The following CIZ1 variants were observed in gnomAD, a reference collection of about 807,000 sequenced individuals.
The protein encoded by CIZ1 is CDKN1A interacting zinc finger protein 1, also known as cip1-interacting zinc finger protein.
CIZ1 carries 58 observed loss-of-function variants against 118.6 expected under a neutral mutation model. The observed-to-expected ratio is 0.49, with a 90% CI of 0.40 to 0.61. CIZ1 has a LOEUF of 0.61. Ranked by LOEUF, CIZ1 falls within the 20% of genes least tolerant of loss-of-function variation. The pLI, the probability that CIZ1 is intolerant of heterozygous loss-of-function variation, is 0.00. For synonymous variants in CIZ1, 448 were observed against 443.4 expected, an observed-to-expected ratio of 1.01 and a Z score of -0.13; for missense variants, 921 against 1,115.9, an observed-to-expected ratio of 0.83 and a Z score of 2.49.
intron 7 of CIZ1, among the ~76,000 whole-genome samples, chr9:128,180,047 C>T (rs1360839209): frequency 1.3e-5 from 2 of 152,166 alleles, no homozygotes; most frequent in African/African-American, 4.8e-5. Context: ...CTGTCTAGGC[C>T]TCAGATTCAC....
intron 5 of CIZ1, among the ~76,000 whole-genome samples, chr9:128,181,415 G>C (rs1006778427): frequency 9.9e-5 from 15 of 152,224 alleles, no homozygotes; most frequent in South Asian, 2.1e-4. Flanking sequence ...TATAAAACAA[G>C]AATTGTTATA....
chr9:128,191,354 C>T lies in CIZ1; in HGVS notation c.-6+78G>A. The T allele has an allele frequency of 1.3e-5, 7 of 539,248 alleles. No individual in the cohort carries two copies. Among genetic ancestry groups the T allele is most frequent in the Non-Finnish European group, 1.7e-5 (7 of 418,620 alleles). The allele number at this position is 539,248 out of a possible 1,614,324, so 33.4% of individuals were successfully genotyped here. A position where few individuals can be genotyped will look rare whatever the true frequency, so the allele number is the denominator to read the frequency against. The stretch of plus-strand genomic sequence containing the variant: ...TCGCGCCCCACTCCGCCCGCTCCCA[C>T]CCCGCCAGCCGCCTCCTCCGCAGAC... On this transcript the variant is annotated intron_variant, in intron 1 of 16. Coordinates refer to ENST00000372938, the MANE Select transcript of CIZ1 (RefSeq NM_001131016.2). The surrounding 1 kb of genome is among the most constrained non-coding windows in gnomAD (Gnocchi z 5.5).
chr9:128,188,036 T>G, intron 3 of CIZ1, 102 bp from the exon 4 acceptor site: 1 of 116,982 alleles, frequency 8.5e-6, no homozygotes, highest in Non-Finnish European at 1.7e-5. Context: ...CATCCCAGGG[T>G]TACTTAAAAC....
intron 14 of CIZ1, among the ~76,000 whole-genome samples, chr9:128,168,531 A>AG (rs1829735549): frequency 6.6e-6 from 1 of 151,592 alleles, no homozygotes; most frequent in Admixed American, 6.6e-5. Flanking sequence ...AAAAAAAGAA[A>AG]AAAAAAAAAA....
intron 5 of CIZ1, among the ~76,000 whole-genome samples, chr9:128,182,016 A>C (rs1831716459): frequency 6.6e-6 from 1 of 152,230 alleles, no homozygotes. Context: ...GATATGCAGA[A>C]ATAATGGCGT....
At chr9:128,181,361 C>T (rs1287551266) in intron 5 of CIZ1, among the ~76,000 whole-genome samples, 4 of 151,968 alleles carry the variant, frequency 2.6e-5, no homozygotes, top group African/African-American at 7.3e-5. Context: ...ACCCAGGCAC[C>T]GAGGCAAGAG....
intron 14 of CIZ1, chr9:128,168,834 C>T (rs903868799): frequency 2.7e-5 from 17 of 624,874 alleles, no homozygotes; most frequent in Non-Finnish European, 4.0e-5. Context: ...CCACACAGGT[C>T]CAAATTTCAG....
In CIZ1 at chr9:128,180,702, A is replaced by G; in HGVS notation, c.682+19T>C. 1 of 1,573,252 alleles carries G rather than the reference A, an allele frequency of 6.4e-7. No homozygotes were observed. The highest frequency in any genetic ancestry group is 8.7e-7 in the Non-Finnish European group (1 of 1,150,578). On this transcript the variant is annotated intron_variant, in intron 6 of 16. Transcript: ENST00000372938. ...CCCATTCATGTCCCTCTGAAGGGCC[A>G]GCAGCCTCCCTCCCTCACCTTCTGG...
upstream of CIZ1, among the ~76,000 whole-genome samples, chr9:128,196,585 G>A (rs900173560): frequency 6.7e-6 from 1 of 150,232 alleles, no homozygotes; most frequent in African/African-American, 2.4e-5. Flanking sequence ...GAAAAGAAAA[G>A]AATGAGGTGA....
In CIZ1 at chr9:128,204,008, G is replaced by A. The variant is rs548190349; in HGVS notation, c.-6+178C>T. 1.9e-5 allele frequency: 3 copies of A among 156,772 alleles called. No homozygotes were observed. In the East Asian group the frequency reaches 5.6e-4, roughly 29 times the overall value. The allele number at this position is 156,772 out of a possible 1,614,324, so 9.7% of individuals were successfully genotyped here. ...CGTTGGGCTCCGGGAGTCCCTTGGA[G>A]CGGGCAGCACCCGGGGGCAGCGTCC... On this transcript the variant is annotated intron_variant, in intron 1 of 17. Transcript: ENST00000372948.
chr9:128,172,900 A>G (rs1201656376), intron 11 of CIZ1, among the ~76,000 whole-genome samples: 1 of 152,194 alleles, frequency 6.6e-6, no homozygotes, highest in Non-Finnish European at 1.5e-5. Flanking sequence ...CCACACAGTG[A>G]GAGTACCAGG....
intron 11 of CIZ1, among the ~76,000 whole-genome samples, chr9:128,175,580 C>T (rs1440406939): frequency 1.3e-5 from 2 of 152,170 alleles, no homozygotes; most frequent in Non-Finnish European, 2.9e-5. Context: ...GAGCCCGTGA[C>T]CACTGACTCA....
rs1488981255 is a variant in CIZ1 at position 128,191,540 on chromosome 9, C to A, written c.-114G>T. On this transcript the variant is annotated 5_prime_UTR_variant, in exon 1 of 17. Coordinates refer to ENST00000372938, the MANE Select transcript of CIZ1 (RefSeq NM_001131016.2). This position sits in a 1 kb window ranked among gnomAD's most constrained non-coding sequence, Gnocchi z 5.5. ...TCCGGCCCGCGGGCTCCCGGCCTCCCCGCTGCTACTCCGGGGCCTGTGGGC... is the reference window on the plus strand; with the variant it reads ...TCCGGCCCGCGGGCTCCCGGCCTCCACGCTGCTACTCCGGGGCCTGTGGGC... 9.6e-7 allele frequency: 1 copy of A among 1,040,200 alleles called. No individual in the cohort carries two copies. The highest frequency in any genetic ancestry group is 1.2e-6 in the Non-Finnish European group (1 of 865,658). The allele number at this position is 1,040,200 out of a possible 1,614,324, so 64.4% of individuals were successfully genotyped here. A position where few individuals can be genotyped will look rare whatever the true frequency, so the allele number is the denominator to read the frequency against.
At chr9:128,183,272 G>C (rs767575796) in intron 5 of CIZ1, among the ~76,000 whole-genome samples, 11 of 152,228 alleles carry the variant, frequency 7.2e-5, no homozygotes. Flanking sequence ...CTGAGAGTCA[G>C]GAGGCCTGGG....
intron 1 of CIZ1, chr9:128,198,402 G>C (rs1833429226): frequency 6.6e-6 from 1 of 152,212 alleles, no homozygotes; most frequent in Non-Finnish European, 1.5e-5. Context: ...TGACTCCAAA[G>C]AGCCAGACCC....
At chr9:128,191,587 G>A, upstream of CIZ1, 7 of 1,153,612 alleles carry the variant, frequency 6.1e-6, no homozygotes, top group Non-Finnish European at 7.5e-6. The surrounding 1 kb of genome is among the most constrained non-coding windows in gnomAD (Gnocchi z 5.5). Context: ...AAATGCGGGC[G>A]GGGCCGGCCG....
chr9:128,191,958 C>A (rs1222167418), upstream of CIZ1: 4 of 1,382,836 alleles, frequency 2.9e-6, no homozygotes, highest in South Asian at 1.5e-5. This position sits in a 1 kb window ranked among gnomAD's most constrained non-coding sequence, Gnocchi z 5.5. Context: ...GGGACCCAGG[C>A]CAGGCGAGAG....
upstream of CIZ1, among the ~76,000 whole-genome samples, chr9:128,196,594 G>T (rs561519579): frequency 6.6e-5 from 10 of 151,532 alleles, no homozygotes; most frequent in East Asian, 1.9e-3. Context: ...AGAATGAGGT[G>T]AATGTCTCTA....
At chr9:128,178,294 C>T in intron 9 of CIZ1, 75 bp downstream of exon 9, 2 of 1,517,954 alleles carry the variant, frequency 1.3e-6, no homozygotes, top group South Asian at 2.5e-5. Flanking sequence ...CTGAGGTGGC[C>T]TGGGGCAGAA....
Sources: gnomAD v4.1 joint callset for allele counts (sites outside exome capture counted in the v4.1 genomes callset) on GRCh38, gnomAD v4.1.1 for gene constraint, Gnocchi (gnomAD v3.1) non-coding constraint, MANE v1.5 for transcripts, NCBI Gene and HGNC (gene_info 2026-07-23, HGNC 2026-07-21) for gene names.